Variants in GPC5 observed in about 807,000 individuals in gnomAD.
The protein encoded by GPC5 is glypican-5.
Under a neutral mutation model 53.9 loss-of-function variants are expected in GPC5, and 47 were observed. That is an observed-to-expected ratio of 0.87 (90% CI 0.69 to 1.11). The LOEUF (loss-of-function observed/expected upper bound fraction) is 1.11, where lower values mean the gene tolerates loss of function less well. Ranked by LOEUF, GPC5 falls within the 50% of genes most tolerant of loss-of-function variation. GPC5 has a pLI of 0.00. For missense variants in GPC5, 748 were observed against 713.1 expected, an observed-to-expected ratio of 1.05 and a Z score of -0.56; for synonymous variants, 286 against 263.3, an observed-to-expected ratio of 1.09 and a Z score of -0.84.
At chr13:92,640,975 T>A (rs1327554207) in intron 7 of GPC5, among the ~76,000 whole-genome samples, 1 of 58,782 alleles carries the variant, frequency 1.7e-5, no homozygotes, top group African/African-American at 6.4e-5. Context: ...AGTAATGGGG[T>A]GGCGGGGGAG....
intron 7 of GPC5, among the ~76,000 whole-genome samples, chr13:92,162,059 T>G (rs1158291781): frequency 1.3e-5 from 2 of 148,610 alleles, no homozygotes; most frequent in Non-Finnish European, 3.0e-5. Context: ...TATCATAAGA[T>G]TTTTTGTCAT....
chr13:92,509,171 G>C (rs1326057469), intron 7 of GPC5, among the ~76,000 whole-genome samples: 1 of 152,114 alleles, frequency 6.6e-6, no homozygotes, highest in East Asian at 1.9e-4. Flanking sequence ...ATTTACCCCT[G>C]CCTCAAACAT....
rs959752298 is a variant in GPC5 at position 91,693,626 on chromosome 13, G to C, written c.765G>C (p.Met255Ile). 2 of 1,614,154 alleles carry C rather than the reference G, an allele frequency of 1.2e-6. No homozygotes were observed. Among genetic ancestry groups the C allele is most frequent in the Non-Finnish European group, 1.7e-6 (2 of 1,180,012 alleles). The stretch of plus-strand genomic sequence containing the variant: ...AGTGCAGCAGAGCCCTCCTGAAGAT[G>C]CAATACTGCCCGCACTGCCAAGGCC... ...SKECSRALLKMQYCPHCQGLA... is the reference protein window; with the variant it reads ...SKECSRALLKIQYCPHCQGLA... Residue 255 changes from methionine to isoleucine, a missense_variant, in exon 3 of 8, where the codon ATG becomes ATC. Transcript: ENST00000377067.
intron 5 of GPC5, among the ~76,000 whole-genome samples, chr13:91,813,382 G>C (rs1312888984): frequency 6.6e-6 from 1 of 152,190 alleles, no homozygotes; most frequent in African/African-American, 2.4e-5. Flanking sequence ...TAGCTGCCAA[G>C]ATTTCGGCTG....
At chr13:91,515,340 T>C (rs962226263) in intron 2 of GPC5, among the ~76,000 whole-genome samples, 6 of 152,196 alleles carry the variant, frequency 3.9e-5, no homozygotes, top group Admixed American at 2.6e-4. Flanking sequence ...ATGTACATTT[T>C]TTTTGAATGG....
intron 4 of GPC5, among the ~76,000 whole-genome samples, chr13:91,746,203 A>G (rs1041399310): frequency 2.0e-5 from 3 of 152,172 alleles, no homozygotes; most frequent in Non-Finnish European, 2.9e-5. Flanking sequence ...TTAGTGCCAC[A>G]TTAACCTTCA....
intron 7 of GPC5, among the ~76,000 whole-genome samples, chr13:92,504,996 T>C (rs2138940807): frequency 6.6e-6 from 1 of 151,448 alleles, no homozygotes; most frequent in East Asian, 1.9e-4. Flanking sequence ...TATGTGCATA[T>C]AAATAGGACT....
intron 7 of GPC5, among the ~76,000 whole-genome samples, chr13:92,299,708 C>A (rs1020207456): frequency 1.3e-5 from 2 of 152,096 alleles, no homozygotes; most frequent in East Asian, 1.9e-4. Context: ...TTTAAAAATT[C>A]TTGTAACCAT....
intron 2 of GPC5, among the ~76,000 whole-genome samples, chr13:91,669,194 C>T (rs1310277919): frequency 6.6e-6 from 1 of 152,034 alleles, no homozygotes; most frequent in African/African-American, 2.4e-5. Flanking sequence ...CTGTGCCCCC[C>T]CGACATTAAC....
intron 7 of GPC5, among the ~76,000 whole-genome samples, chr13:92,750,881 G>C (rs1435622033): frequency 2.0e-5 from 3 of 152,032 alleles, no homozygotes; most frequent in Admixed American, 6.6e-5. Context: ...TATGTTTTCT[G>C]GCCTTCAACA....
intron 3 of GPC5, among the ~76,000 whole-genome samples, chr13:91,706,420 A>T (rs1466943710): frequency 1.3e-5 from 2 of 152,096 alleles, no homozygotes; most frequent in East Asian, 3.9e-4. Flanking sequence ...TCTTCTTGTA[A>T]GGAGTATAAT....
intron 2 of GPC5, among the ~76,000 whole-genome samples, chr13:91,656,705 G>A (rs181262355): frequency 2.0e-5 from 3 of 152,236 alleles, no homozygotes; most frequent in Admixed American, 2.0e-4. Flanking sequence ...ACCAATCCAC[G>A]ACTGGCCTAA....
intron 7 of GPC5, among the ~76,000 whole-genome samples, chr13:92,779,008 C>A (rs1314002195): frequency 6.6e-6 from 1 of 151,880 alleles, no homozygotes; most frequent in Non-Finnish European, 1.5e-5. Context: ...TATATGCACA[C>A]ATATATACAC....
intron 7 of GPC5, among the ~76,000 whole-genome samples, chr13:92,820,188 A>G (rs1877627157): frequency 6.6e-6 from 1 of 152,142 alleles, no homozygotes; most frequent in African/African-American, 2.4e-5. Context: ...TTTATGCCCT[A>G]TCAATCCAGA....
rs570221962 is a variant in GPC5, at chr13:91,678,760, G to A, written c.326-14427G>A. ...TTGTTTTTTTTTTTGTACATTTGTG[G>A]ATCCTATAGAGCTGACTTTAAAGGA... On this transcript the variant is annotated intron_variant, in intron 2 of 7. Transcript: ENST00000377067. Among the ~76,000 whole-genome samples the A allele has an allele frequency of 2.6e-5, 4 of 151,550 alleles. No homozygotes were observed. The East Asian group carries it at 7.7e-4, about 29-fold the overall frequency.
intron 7 of GPC5, among the ~76,000 whole-genome samples, chr13:92,631,287 T>C (rs1185609966): frequency 2.6e-5 from 4 of 152,152 alleles, no homozygotes; most frequent in Non-Finnish European, 4.4e-5. Flanking sequence ...TTTAAATATT[T>C]TAAGTGTGCA....
chr13:92,096,324 T>C (rs1012373333), intron 6 of GPC5, among the ~76,000 whole-genome samples: 4 of 152,252 alleles, frequency 2.6e-5, no homozygotes, highest in African/African-American at 9.6e-5. Flanking sequence ...ATTTGTTTAT[T>C]CAGTTACTAG....
intron 2 of GPC5, among the ~76,000 whole-genome samples, chr13:91,490,436 T>C (rs1883880065): frequency 6.6e-6 from 1 of 152,224 alleles, no homozygotes; most frequent in African/African-American, 2.4e-5. Flanking sequence ...ACTAGGATAT[T>C]TAAGTAGCAT....
chr13:92,734,205 A>G (rs1210388499), intron 7 of GPC5, among the ~76,000 whole-genome samples: 2 of 151,716 alleles, frequency 1.3e-5, no homozygotes, highest in Non-Finnish European at 2.9e-5. Flanking sequence ...TTTGGGTAAG[A>G]TCTCCAGGGT....
Sources: allele counts gnomAD v4.1 joint callset (sites outside exome capture counted in the v4.1 genomes callset), GRCh38; gene constraint gnomAD v4.1.1; transcripts MANE v1.5; gene names NCBI Gene and HGNC (gene_info 2026-07-23, HGNC 2026-07-21).